VPS8: variants seen among roughly 807,000 people sequenced by gnomAD.
The protein encoded by VPS8 is VPS8 subunit of CORVET complex.
VPS8 carries 129 observed loss-of-function variants against 216.4 expected under a neutral mutation model. That is an observed-to-expected ratio of 0.60 (90% CI 0.52 to 0.69). The LOEUF (loss-of-function observed/expected upper bound fraction) is 0.69, where lower values mean the gene tolerates loss of function less well. VPS8 is among the 30% of genes least tolerant of loss of function. VPS8 has a pLI of 0.00. For missense variants in VPS8, 1,531 were observed against 1,683.5 expected (o/e 0.91, Z 1.59); for synonymous variants, 571 against 565.4 (o/e 1.01, Z -0.14).
intron 36 of VPS8, among the ~76,000 whole-genome samples, chr3:184,951,923 C>G (rs1231042442): frequency 2.0e-5 from 3 of 152,194 alleles, no homozygotes; most frequent in Non-Finnish European, 2.9e-5. Flanking sequence ...CCATCAAAAT[C>G]TATTCATCTG....
At chr3:184,880,272 G>A (rs1376959670) in intron 21 of VPS8, among the ~76,000 whole-genome samples, 1 of 151,956 alleles carries the variant, frequency 6.6e-6, no homozygotes, top group Admixed American at 6.6e-5. Flanking sequence ...ATCACCACAT[G>A]GATCCCTCAT....
At chr3:184,928,844 T>TAA (rs1740163681) in intron 32 of VPS8, among the ~76,000 whole-genome samples, 1 of 152,182 alleles carries the variant, frequency 6.6e-6, no homozygotes, top group African/African-American at 2.4e-5. Context: ...TTGTTGATGG[T>TAA]TATCTTAGAT....
In VPS8 at chr3:184,965,144, A is replaced by G. The variant is rs562962494; in HGVS notation, c.3273+587A>G. On this transcript the variant is annotated intron_variant, in intron 38 of 47. Coordinates refer to ENST00000625842, the MANE Select transcript of VPS8 (RefSeq NM_001009921.3). ...ATCCTGATGGGTGAAGTGACGTAGC[A>G]GTTTTGTTTTGTTGTGTTTTTTAAT... is the stretch of plus-strand genomic sequence containing the variant. Among the ~76,000 whole-genome samples the G allele has an allele frequency of 2.5e-4, 38 of 152,246 alleles. No homozygotes were observed. The South Asian group carries it at 7.3e-3, about 29-fold the overall frequency.
At chr3:184,982,823 C>A (rs1045183646) in intron 41 of VPS8, among the ~76,000 whole-genome samples, 176 bp downstream of exon 41, 1 of 152,122 alleles carries the variant, frequency 6.6e-6, no homozygotes, top group Non-Finnish European at 1.5e-5. Flanking sequence ...ATGTTCCACT[C>A]ATATAATTTA....
rs772754230 is a variant in VPS8 at position 184,999,857 on chromosome 3, C to T, written c.3998C>T (p.Ser1333Leu). ...ATTAAAAAGGGAAGGATAACCCCAT[C>T]ACAGGTAAGACTTGTTTTCGTGGCA... ...SEIKKGRITP[S>L]QVKMSPSYHQ... The change falls in exon 45 of 48, where the codon TCA (serine) becomes TTA (leucine). Residue 1333 changes from serine (S) to leucine (L), a missense_variant. Physicochemically the swap from Ser to Leu is moderately radical, Grantham distance 145 (BLOSUM62 -2). Around this residue, in one of 3 missense-constraint regions of VPS8, gnomAD observed 1,318 missense variants for 1,468.4 expected, o/e 0.90. Transcript: ENST00000625842. 1.9e-6 allele frequency: 3 copies of T among 1,607,776 alleles called. No homozygotes were observed. The South Asian group carries it at 3.4e-5, about 18-fold the overall frequency.
intron 21 of VPS8, among the ~76,000 whole-genome samples, chr3:184,873,287 T>C (rs1329594400): frequency 6.6e-6 from 1 of 152,100 alleles, no homozygotes; most frequent in Non-Finnish European, 1.5e-5. Flanking sequence ...AGCCCAGTTC[T>C]TAGCTAATCA....
chr3:184,857,260 G>A (rs77071650), intron 14 of VPS8, among the ~76,000 whole-genome samples: 2,792 of 152,304 alleles, frequency 0.018, 96 homozygotes, highest in African/African-American at 0.064. Context: ...TGGCCCATGC[G>A]CCAAATCTGG....
intron 39 of VPS8, among the ~76,000 whole-genome samples, chr3:184,968,886 C>G (rs1294153338): frequency 6.6e-6 from 1 of 152,066 alleles, no homozygotes; most frequent in Non-Finnish European, 1.5e-5. Context: ...GATTACTTAC[C>G]TATATTTTTG....
chr3:184,860,679 C>T (rs943274835), intron 15 of VPS8, among the ~76,000 whole-genome samples: 1 of 152,066 alleles, frequency 6.6e-6, no homozygotes, highest in Non-Finnish European at 1.5e-5. Context: ...AGAATCATTG[C>T]CTTGCTTTCT....
At chr3:184,840,537 C>T (rs1327150538) in intron 7 of VPS8, 1 of 151,192 alleles carries the variant, frequency 6.6e-6, no homozygotes, top group Non-Finnish European at 1.5e-5. Flanking sequence ...CCCGTCTCTA[C>T]TGAAAAAAAA....
intron 41 of VPS8, 105 bp downstream of exon 41, chr3:184,982,752 A>G (rs1370244529): frequency 4.1e-6 from 4 of 983,426 alleles, no homozygotes; most frequent in African/African-American, 1.6e-5. Flanking sequence ...GCATATTCTT[A>G]TGATTTTTCC....
At chr3:184,912,866 A>T (rs1321452882) in intron 25 of VPS8, among the ~76,000 whole-genome samples, 1 of 152,208 alleles carries the variant, frequency 6.6e-6, no homozygotes, top group Non-Finnish European at 1.5e-5. Flanking sequence ...GATTCCCATC[A>T]TCTGTGCGCT....
intron 8 of VPS8, among the ~76,000 whole-genome samples, chr3:184,846,804 A>T (rs773263714): frequency 6.6e-6 from 1 of 152,266 alleles, no homozygotes; most frequent in African/African-American, 2.4e-5. Flanking sequence ...CCCAACCATC[A>T]TATCATGACA....
At chr3:185,031,512 C>T (rs959443626) in intron 46 of VPS8, among the ~76,000 whole-genome samples, 1 of 152,156 alleles carries the variant, frequency 6.6e-6, no homozygotes, top group Non-Finnish European at 1.5e-5. Context: ...AAAACCTCAG[C>T]AAGACAGATG....
chr3:184,973,480 A>G (rs1171618482), intron 40 of VPS8, among the ~76,000 whole-genome samples: 2 of 152,222 alleles, frequency 1.3e-5, no homozygotes, highest in African/African-American at 4.8e-5. Context: ...TGATACATGC[A>G]TACAATGTGT....
chr3:184,882,142 C>T (rs937929095), intron 21 of VPS8, among the ~76,000 whole-genome samples: 25 of 151,988 alleles, frequency 1.6e-4, no homozygotes, highest in African/African-American at 5.8e-4. Context: ...ACATCCTTGC[C>T]TTGTTCCCAG....
chr3:185,024,645 G>A (rs76397955), intron 46 of VPS8, among the ~76,000 whole-genome samples: 5 of 152,268 alleles, frequency 3.3e-5, no homozygotes, highest in Non-Finnish European at 5.9e-5. Context: ...TGGTATCGTG[G>A]TATCAATGAG....
At chr3:184,988,078 C>T (rs906492473) in intron 42 of VPS8, among the ~76,000 whole-genome samples, 6 of 152,124 alleles carry the variant, frequency 3.9e-5, no homozygotes, top group African/African-American at 1.4e-4. Context: ...TTATCACATG[C>T]GTGTTTTTGC....
At chr3:185,035,545 A>G (rs865975799) in intron 46 of VPS8, among the ~76,000 whole-genome samples, 3 of 152,230 alleles carry the variant, frequency 2.0e-5, no homozygotes, top group South Asian at 4.1e-4. Context: ...AAGTCTTTCA[A>G]TGAAATCCAA....
Sources: gnomAD v4.1 joint callset for allele counts (sites outside exome capture counted in the v4.1 genomes callset) on GRCh38, gnomAD v4.1.1 for gene constraint, gnomAD v4.1.1 regional missense constraint, MANE v1.5 for transcripts, NCBI Gene and HGNC (gene_info 2026-07-23, HGNC 2026-07-21) for gene names.